MTCL1: variants seen among roughly 807,000 people sequenced by gnomAD.
The protein encoded by MTCL1 is microtubule crosslinking factor 1.
A neutral mutation model predicts 141.4 loss-of-function variants in MTCL1; 79 were observed. That is an observed-to-expected ratio of 0.56 (90% CI 0.47 to 0.67). The LOEUF (loss-of-function observed/expected upper bound fraction) is 0.67, where lower values mean the gene tolerates loss of function less well. Among genes scored for constraint, MTCL1 ranks in the 30% least tolerant of loss-of-function variants. The pLI, the probability that MTCL1 is intolerant of heterozygous loss-of-function variation, is 0.00. For synonymous variants in MTCL1, 914 were observed against 875.8 expected, an observed-to-expected ratio of 1.04 and a Z score of -0.77; for missense variants, 2,177 against 2,113.9, an observed-to-expected ratio of 1.03 and a Z score of -0.59.
intron 16 of MTCL1, chr18:8,829,575 T>C (rs2077131135): frequency 2.0e-6 from 2 of 984,744 alleles, no homozygotes; most frequent in African/African-American, 3.5e-5. Flanking sequence ...TCCCTCAGAA[T>C]TGCTTTCAGA....
chr18:8,786,523 C>T (rs1431620498), intron 7 of MTCL1: 7 of 368,748 alleles, frequency 1.9e-5, no homozygotes, highest in African/African-American at 4.2e-5. Context: ...GACCATCCCA[C>T]GGTCTCGAGT....
intron 4 of MTCL1, among the ~76,000 whole-genome samples, chr18:8,762,421 C>T (rs2096437121): frequency 6.6e-6 from 1 of 152,260 alleles, no homozygotes; most frequent in African/African-American, 2.4e-5. Context: ...CGACTGCTCT[C>T]AGCCCAAACA....
intron 4 of MTCL1, among the ~76,000 whole-genome samples, chr18:8,763,109 T>C (rs1037718870): frequency 1.3e-5 from 2 of 152,198 alleles, no homozygotes; most frequent in Non-Finnish European, 2.9e-5. Context: ...TACATCCTCA[T>C]TGATAACATG....
chr18:8,798,120 C>G (rs1278723561), exon 10 of MTCL1: 1 of 1,591,016 alleles, frequency 6.3e-7, no homozygotes, highest in Non-Finnish European at 8.5e-7. Flanking sequence ...AGACCCTCTC[C>G]AGGCTCGGGG....
At chr18:8,802,533 G>A (rs968872520) in intron 10 of MTCL1, among the ~76,000 whole-genome samples, 1 of 152,144 alleles carries the variant, frequency 6.6e-6, no homozygotes, top group African/African-American at 2.4e-5. Flanking sequence ...ACCTTGATAC[G>A]TTACCTTATC....
chr18:8,785,859 T>C, intron 6 of MTCL1, 77 bp from the exon 6 acceptor site: 1 of 1,506,884 alleles, frequency 6.6e-7, no homozygotes, highest in Non-Finnish European at 8.9e-7. Context: ...GCCTCCACCC[T>C]TGTCCTTTGT....
At chr18:8,718,327 T>C in intron 2 of MTCL1, 97 bp from the exon 2 acceptor site, 2 of 1,186,648 alleles carry the variant, frequency 1.7e-6, no homozygotes, top group Non-Finnish European at 2.4e-6. Context: ...CGTGTAGGTA[T>C]TCAATATTTA....
intron 1 of MTCL1, among the ~76,000 whole-genome samples, chr18:8,710,907 A>G (rs1247490569): frequency 2.3e-5 from 1 of 44,018 alleles, no homozygotes; most frequent in Admixed American, 2.4e-4. Context: ...TTTTTATTAT[A>G]CTTTAAGTTT....
chr18:8,737,407 T>G (rs567688833), intron 4 of MTCL1, among the ~76,000 whole-genome samples: 1 of 152,342 alleles, frequency 6.6e-6, no homozygotes, highest in South Asian at 2.1e-4. Flanking sequence ...TATTTAAAAT[T>G]CACAGCTGGT....
At chr18:8,785,973 C>T (rs774195490) in exon 7 of MTCL1, 20 of 1,601,458 alleles carry the variant, frequency 1.2e-5, no homozygotes, top group South Asian at 2.2e-5. Context: ...CAGCTCGGGC[C>T]GGCCCGAGGG....
At chr18:8,799,643 A>G (rs1044180624) in intron 10 of MTCL1, among the ~76,000 whole-genome samples, 2 of 152,228 alleles carry the variant, frequency 1.3e-5, no homozygotes, top group Non-Finnish European at 2.9e-5. Flanking sequence ...CCCATAAAGC[A>G]TCTGTGCTTA....
At chr18:8,716,452 C>T (rs1164645646), upstream of MTCL1, among the ~76,000 whole-genome samples, 1 of 152,126 alleles carries the variant, frequency 6.6e-6, no homozygotes, top group Non-Finnish European at 1.5e-5. Flanking sequence ...GCATCATCAT[C>T]ACCCCATTTT....
chr18:8,829,613 T>C (rs1047099200), intron 16 of MTCL1: 66 of 985,224 alleles, frequency 6.7e-5, no homozygotes, highest in Non-Finnish European at 7.6e-5. Flanking sequence ...TGAGAAAAGA[T>C]ATACTTTTTG....
At chr18:8,784,454 C>G (rs150163593) in exon 6 of MTCL1, 2 of 1,538,864 alleles carry the variant, frequency 1.3e-6, no homozygotes, top group Non-Finnish European at 1.8e-6. Flanking sequence ...CCTGAAGGCC[C>G]GGGAGGACTC....
chr18:8,803,604 T>A (rs2076195774), intron 10 of MTCL1, among the ~76,000 whole-genome samples: 1 of 152,214 alleles, frequency 6.6e-6, no homozygotes, highest in South Asian at 2.1e-4. Context: ...GGCTTCCTGC[T>A]GTGCCACATG....
At chr18:8,776,802 C>G (rs668006) in intron 4 of MTCL1, among the ~76,000 whole-genome samples, 38,428 of 151,634 alleles carry the variant, frequency 0.25, 5,122 homozygotes, top group East Asian at 0.4. Context: ...GTTGCCCAGG[C>G]TAAAGTACAT....
intron 5 of MTCL1, among the ~76,000 whole-genome samples, chr18:8,780,181 TGTC>T (rs897285534): frequency 2.5e-4 from 38 of 152,332 alleles, no homozygotes; most frequent in African/African-American, 9.1e-4. Context: ...GAGCCTTCCT[TGTC>T]ATATCATTTT....
At chr18:8,806,976 C>G (rs1323385733) in exon 11 of MTCL1, 1 of 1,613,694 alleles carries the variant, frequency 6.2e-7, no homozygotes, top group Non-Finnish European at 8.5e-7. Context: ...ATGAGCGTGC[C>G]CGACTACGGC....
chr18:8,809,502 A>G (rs894327774), intron 11 of MTCL1: 2 of 1,536,176 alleles, frequency 1.3e-6, no homozygotes, highest in Admixed American at 3.9e-5. Flanking sequence ...AGGCTTCACC[A>G]GGCTGCCAGC....
Sources: allele counts gnomAD v4.1 joint callset (sites outside exome capture counted in the v4.1 genomes callset), GRCh38; gene constraint gnomAD v4.1.1; transcripts MANE v1.5; gene names NCBI Gene and HGNC (gene_info 2026-07-23, HGNC 2026-07-21).